Variants in GALNT9 observed in about 807,000 individuals in gnomAD.
GALNT9 encodes the protein GalNAc transferase 9.
GALNT9 carries 47 observed loss-of-function variants against 63.1 expected under a neutral mutation model. The observed-to-expected ratio is 0.75, with a 90% CI of 0.59 to 0.95. The LOEUF (loss-of-function observed/expected upper bound fraction) is 0.95. GALNT9 is among the 40% of genes least tolerant of loss of function. The probability of loss-of-function intolerance (pLI) is 0.00; values close to 1 mark genes in which losing one functional copy is unlikely to be tolerated. For synonymous variants in GALNT9, 396 were observed against 365.7 expected, an observed-to-expected ratio of 1.08 and a Z score of -0.94; for missense variants, 829 against 874.8, an observed-to-expected ratio of 0.95 and a Z score of 0.66.
chr12:132,267,088 T>C (rs1240822517), intron 2 of GALNT9, among the ~76,000 whole-genome samples: 1 of 152,034 alleles, frequency 6.6e-6, no homozygotes. Context: ...GGAGGTGGCA[T>C]GTGGGCGCAG....
At chr12:132,269,737 G>A (rs1473884746) in intron 2 of GALNT9, among the ~76,000 whole-genome samples, 2 of 152,244 alleles carry the variant, frequency 1.3e-5, no homozygotes, top group African/African-American at 2.4e-5. Flanking sequence ...TCTCAGACGC[G>A]TGGGGCCGGA....
At chr12:132,294,272 G>A (rs1880968508) in intron 1 of GALNT9, among the ~76,000 whole-genome samples, 1 of 152,216 alleles carries the variant, frequency 6.6e-6, no homozygotes, top group Non-Finnish European at 1.5e-5. Context: ...AGAGATGGGA[G>A]TCGCCTCCCC....
intron 1 of GALNT9, among the ~76,000 whole-genome samples, chr12:132,317,622 G>C (rs782319106): frequency 6.6e-6 from 1 of 152,248 alleles, no homozygotes; most frequent in Non-Finnish European, 1.5e-5. Flanking sequence ...TGGTAAGCCT[G>C]TGTTGAGATT....
At chr12:132,271,473 A>G (rs1879863586) in intron 2 of GALNT9, among the ~76,000 whole-genome samples, 1 of 152,176 alleles carries the variant, frequency 6.6e-6, no homozygotes. Flanking sequence ...CCTCTTTAAA[A>G]CAATGAAGCC....
chr12:132,260,763 G>C (rs782027335), intron 4 of GALNT9, among the ~76,000 whole-genome samples, 185 bp downstream of exon 4: 1 of 152,256 alleles, frequency 6.6e-6, no homozygotes, highest in Non-Finnish European at 1.5e-5. Flanking sequence ...ACACAGAGAG[G>C]CCGCAGAGGT....
rs1370170369 is a variant in GALNT9, at chr12:132,282,135, C to T, written c.419+4115G>A. Reference sequence around the variant, plus strand: ...TACAGCAAGGCCAGGCCTGGGGGTCCCCGATCCCACAGAGGAGGAATCAGC... The same window carrying T: ...TACAGCAAGGCCAGGCCTGGGGGTCTCCGATCCCACAGAGGAGGAATCAGC... On this transcript the variant is annotated intron_variant, in intron 2 of 10. Coordinates refer to ENST00000328957, the MANE Select transcript of GALNT9 (RefSeq NM_001122636.2). The surrounding 1 kb of genome is among the most constrained non-coding windows in gnomAD (Gnocchi z 4.5). 6.7e-6 allele frequency among the ~76,000 whole-genome samples: 1 copy of T among 150,098 alleles called. No individual in the cohort carries two copies. Among genetic ancestry groups the T allele is most frequent in the African/African-American group, 2.5e-5 (1 of 40,538 alleles).
chr12:132,214,671 C>T (rs1308630018), intron 6 of GALNT9, among the ~76,000 whole-genome samples: 1 of 152,256 alleles, frequency 6.6e-6, no homozygotes, highest in Non-Finnish European at 1.5e-5. Flanking sequence ...TACCCTCTGC[C>T]TCCTGTCCAG....
At chr12:132,202,924 A>G (rs890746052) in intron 7 of GALNT9, among the ~76,000 whole-genome samples, 1 of 152,210 alleles carries the variant, frequency 6.6e-6, no homozygotes, top group Non-Finnish European at 1.5e-5. Flanking sequence ...TCAGCCACTC[A>G]TAGGCCAAAG....
In GALNT9 at chr12:132,265,304, G is replaced by A. The variant is rs1283586033; in HGVS notation, c.420-2679C>T. 3.3e-5 allele frequency among the ~76,000 whole-genome samples: 5 copies of A among 152,178 alleles called. No individual in the cohort carries two copies. Among genetic ancestry groups the A allele is most frequent in the African/African-American group, 4.8e-5 (2 of 41,440 alleles). Reference sequence around the variant, plus strand: ...AATGACGGCTGGACCGGTCCTCCCCGTGGAAGCCTTTCCTTCCGTGGTGGG... The same window carrying A: ...AATGACGGCTGGACCGGTCCTCCCCATGGAAGCCTTTCCTTCCGTGGTGGG... On this transcript the variant is annotated intron_variant, in intron 2 of 10. Transcript: ENST00000328957. The surrounding 1 kb of genome is among the most constrained non-coding windows in gnomAD (Gnocchi z 5.3).
intron 2 of GALNT9, 61 bp from the exon 3 acceptor site, chr12:132,262,686 A>G: frequency 1.4e-6 from 2 of 1,443,992 alleles, no homozygotes; most frequent in Non-Finnish European, 1.8e-6. Flanking sequence ...CGGAAGCCAT[A>G]GCTCATCTGT....
At chr12:132,198,089 C>A in intron 9 of GALNT9, 130 bp from the exon 10 acceptor site, 1 of 739,078 alleles carries the variant, frequency 1.4e-6, no homozygotes, top group Non-Finnish European at 2.2e-6. Context: ...CCTCCCACCC[C>A]GGGGACGCTG....
intron 6 of GALNT9, among the ~76,000 whole-genome samples, chr12:132,208,482 A>T (rs926974796): frequency 1.3e-5 from 2 of 152,340 alleles, no homozygotes; most frequent in Non-Finnish European, 2.9e-5. Flanking sequence ...GGACCAACAG[A>T]AAGGGCCAGA....
chr12:132,240,606 G>A (rs1409289898), intron 6 of GALNT9: 3 of 455,328 alleles, frequency 6.6e-6, no homozygotes, highest in Non-Finnish European at 1.3e-5. Context: ...CTCCGTGCGT[G>A]GCCCCGGGGC....
intron 1 of GALNT9, among the ~76,000 whole-genome samples, chr12:132,321,705 C>T (rs1868807348): frequency 6.6e-6 from 1 of 152,132 alleles, no homozygotes; most frequent in Non-Finnish European, 1.5e-5. Context: ...CAGAGAGTGG[C>T]TCCCTCCCCA....
chr12:132,198,445 T>TG (rs1565979650), intron 9 of GALNT9, among the ~76,000 whole-genome samples: 15 of 126,464 alleles, frequency 1.2e-4, no homozygotes, highest in East Asian at 4.8e-4. Context: ...GGGCTGGGGC[T>TG]GGGCCTGGGC....
intron 1 of GALNT9, among the ~76,000 whole-genome samples, chr12:132,314,086 C>T (rs1868397086): frequency 9.3e-6 from 1 of 107,428 alleles, no homozygotes; most frequent in South Asian, 4.0e-4. Flanking sequence ...CCCATACATC[C>T]ATCCACTCAC....
rs1875799890 is a variant in GALNT9, at chr12:132,199,254, C to A, written c.1417G>T (p.Ala473Ser). 2 of 1,604,492 alleles carry A rather than the reference C, an allele frequency of 1.2e-6. No individual in the cohort carries two copies. The stretch of plus-strand genomic sequence containing the variant: ...CCCTGGTCCAGACAGTAGGCACTGG[C>A]TTTGCTGTTTCTCACCTGCAAGCAG... ...LTYGEVRNSK[A>S]SAYCLDQGAE... Residue 473 changes from alanine (A) to serine (S), a missense_variant, in exon 9 of 11, where the codon GCC (alanine) becomes TCC (serine). Coordinates refer to ENST00000328957, the MANE Select transcript of GALNT9 (RefSeq NM_001122636.2).
rs1183602040 is a variant in GALNT9, at chr12:132,238,610, A to AGT, written c.1077+9298_1077+9299dup. On this transcript the variant is annotated intron_variant, in intron 6 of 10. Coordinates refer to ENST00000328957, the MANE Select transcript of GALNT9 (RefSeq NM_001122636.2). This position sits in a 1 kb window ranked among gnomAD's most constrained non-coding sequence, Gnocchi z 6.5. ...GGCCTGGCTGACCTGCACCTGGGCC[A>AGT]GTGGAAGGCGAAGGTGGGCAGGCCT... Among the ~76,000 whole-genome samples, 3 of 152,146 alleles carry AGT rather than the reference A, an allele frequency of 2.0e-5. No homozygotes were observed. Among genetic ancestry groups the AGT allele is most frequent in the Admixed American group, 6.5e-5 (1 of 15,284 alleles).
At position 132,198,993 on chromosome 12, in the gene GALNT9, G is replaced by A. The variant is rs535565114; in HGVS notation, c.1497+181C>T. Among the ~76,000 whole-genome samples, 8 of 152,164 alleles carry A rather than the reference G, an allele frequency of 5.3e-5. No individual in the cohort carries two copies. The South Asian group carries it at 1.5e-3, about 28-fold the overall frequency. ...CCCGTGTTCTGCTACCTTCCAGGTG[G>A]GGCGGGCTGGGAGGCCTCTTCTAGA... is the stretch of plus-strand genomic sequence containing the variant. On this transcript the variant is annotated intron_variant, in intron 9 of 10. Transcript: ENST00000328957.
Sources: gnomAD v4.1 joint callset for allele counts (sites outside exome capture counted in the v4.1 genomes callset) on GRCh38, gnomAD v4.1.1 for gene constraint, Gnocchi (gnomAD v3.1) non-coding constraint, MANE v1.5 for transcripts, NCBI Gene and HGNC (gene_info 2026-07-23, HGNC 2026-07-21) for gene names.